The following CENPW variants were observed in gnomAD, a reference collection of about 807,000 sequenced individuals.
The protein encoded by CENPW is cancer-up-regulated gene 2 protein.
A neutral mutation model predicts 11.1 loss-of-function variants in CENPW; 3 were observed. The ratio of observed to expected loss-of-function variants is 0.27; its 90% CI spans 0.12 to 0.70. The LOEUF (loss-of-function observed/expected upper bound fraction) is 0.70. Ranked by LOEUF, CENPW falls within the 30% of genes least tolerant of loss-of-function variation. CENPW has a pLI of 0.77. For missense variants in CENPW, 100 were observed against 105.6 expected (o/e 0.95, Z 0.23); for synonymous variants, 38 against 42.0 (o/e 0.91, Z 0.37).
intron 1 of CENPW, among the ~76,000 whole-genome samples, chr6:126,344,076 CAAT>C (rs199722328): frequency 0.017 from 2,623 of 152,204 alleles, 37 homozygotes; most frequent in Admixed American, 0.027. Flanking sequence ...GGTCTTCATG[CAAT>C]AATAATTATT....
chr6:126,355,173 C>T, the CENPW span, among the ~76,000 whole-genome samples: 23 of 152,122 alleles, frequency 1.5e-4, no homozygotes, highest in East Asian at 2.7e-3. Context: ...GTACCTACTA[C>T]AGAGTTTAAA....
the CENPW span, among the ~76,000 whole-genome samples, chr6:126,459,009 T>C: frequency 4.0e-4 from 60 of 151,546 alleles, 1 homozygote; most frequent in South Asian, 0.012. Flanking sequence ...TATTCTAGTA[T>C]GTAGTCATCT....
At chr6:126,379,622 G>A in the CENPW span, among the ~76,000 whole-genome samples, 3 of 152,130 alleles carry the variant, frequency 2.0e-5, no homozygotes, top group Non-Finnish European at 4.4e-5. Context: ...ATATTTATCA[G>A]TGCTAAAGTT....
At chr6:126,450,750 A>G in the CENPW span, among the ~76,000 whole-genome samples, 4 of 151,002 alleles carry the variant, frequency 2.6e-5, no homozygotes, top group Admixed American at 6.6e-5. Context: ...ATTAATTTAC[A>G]TAATCCACTT....
At chr6:126,414,082 A>G in the CENPW span, among the ~76,000 whole-genome samples, 1 of 152,068 alleles carries the variant, frequency 6.6e-6, no homozygotes. Flanking sequence ...AAAGATCATT[A>G]TATAATAATT....
At chr6:126,434,428 A>G in the CENPW span, among the ~76,000 whole-genome samples, 1 of 152,092 alleles carries the variant, frequency 6.6e-6, no homozygotes, top group African/African-American at 2.4e-5. Flanking sequence ...GGCATATCAT[A>G]ATACATATAA....
At chr6:126,347,747 G>A (rs1375336612) in intron 2 of CENPW, among the ~76,000 whole-genome samples, 4 of 151,690 alleles carry the variant, frequency 2.6e-5, no homozygotes, top group Non-Finnish European at 5.9e-5. Flanking sequence ...GAATATACAC[G>A]TGTTTTTTAC....
the CENPW span, among the ~76,000 whole-genome samples, chr6:126,365,156 C>T: frequency 6.6e-6 from 1 of 152,082 alleles, no homozygotes; most frequent in Non-Finnish European, 1.5e-5. Flanking sequence ...CTTAGATCAC[C>T]TGGCCTAACT....
chr6:126,344,233 T>TAGAAAGTTC (rs1445895612), intron 1 of CENPW, among the ~76,000 whole-genome samples: 12 of 152,244 alleles, frequency 7.9e-5, no homozygotes, highest in African/African-American at 2.7e-4. Flanking sequence ...TATGCAGTGA[T>TAGAAAGTTC]AGAAAGTTCA....
intron 2 of CENPW, among the ~76,000 whole-genome samples, chr6:126,347,647 T>A (rs1318494010): frequency 6.6e-6 from 1 of 152,086 alleles, no homozygotes; most frequent in Non-Finnish European, 1.5e-5. Flanking sequence ...TTAAATTATC[T>A]TGCAATTATA....
chr6:126,464,672 A>C, the CENPW span, among the ~76,000 whole-genome samples: 1 of 152,138 alleles, frequency 6.6e-6, no homozygotes, highest in Non-Finnish European at 1.5e-5. Context: ...TTGGCCACAG[A>C]CTGAAGGCTG....
chr6:126,352,526 C>G (rs781674623), downstream of CENPW, among the ~76,000 whole-genome samples: 1 of 152,074 alleles, frequency 6.6e-6, no homozygotes, highest in Non-Finnish European at 1.5e-5. Flanking sequence ...CATCTCTAAT[C>G]CATGTTGCTT....
chr6:126,409,240 A>G, the CENPW span, among the ~76,000 whole-genome samples: 46 of 152,236 alleles, frequency 3.0e-4, no homozygotes, highest in East Asian at 8.1e-3. Context: ...CCTTTCAAAA[A>G]TTTCTCATTA....
chr6:126,453,011 A>T, the CENPW span, among the ~76,000 whole-genome samples: 1 of 151,246 alleles, frequency 6.6e-6, no homozygotes, highest in South Asian at 2.1e-4. Flanking sequence ...AAAGAAAATT[A>T]TTGTCAACTC....
At chr6:126,475,835 C>T in the CENPW span, among the ~76,000 whole-genome samples, 1 of 152,044 alleles carries the variant, frequency 6.6e-6, no homozygotes, top group Non-Finnish European at 1.5e-5. Context: ...CTTCAGTTTA[C>T]ACCACTCTTG....
the CENPW span, among the ~76,000 whole-genome samples, chr6:126,443,574 A>C: frequency 6.6e-6 from 1 of 151,250 alleles, no homozygotes; most frequent in African/African-American, 2.4e-5. Flanking sequence ...TGGTACCTTC[A>C]TTTATTATCT....
the CENPW span, among the ~76,000 whole-genome samples, chr6:126,453,486 C>A: frequency 6.6e-6 from 1 of 151,102 alleles, no homozygotes; most frequent in Non-Finnish European, 1.5e-5. Flanking sequence ...AAATAAGATC[C>A]TTTTTAGACA....
chr6:126,391,166 T>C, the CENPW span, among the ~76,000 whole-genome samples: 1 of 152,060 alleles, frequency 6.6e-6, no homozygotes, highest in African/African-American at 2.4e-5. Flanking sequence ...TAAGCCATTT[T>C]AATTGACATG....
the CENPW span, among the ~76,000 whole-genome samples, chr6:126,466,352 A>T: frequency 6.6e-6 from 1 of 152,156 alleles, no homozygotes; most frequent in African/African-American, 2.4e-5. Flanking sequence ...ACTGAACTTT[A>T]GTTGATAAAA....
Sources: gnomAD v4.1 joint callset for allele counts (sites outside exome capture counted in the v4.1 genomes callset) on GRCh38, gnomAD v4.1.1 for gene constraint, MANE v1.5 for transcripts, NCBI Gene and HGNC (gene_info 2026-07-23, HGNC 2026-07-21) for gene names.